The following CDKAL1 variants were observed in gnomAD, a reference collection of about 807,000 sequenced individuals.
CDKAL1 encodes the protein threonylcarbamoyladenosine tRNA methylthiotransferase.
CDKAL1 carries 32 observed loss-of-function variants against 68.2 expected under a neutral mutation model. The observed-to-expected ratio is 0.47, with a 90% CI of 0.35 to 0.63. CDKAL1 has a LOEUF of 0.63. Among genes scored for constraint, CDKAL1 ranks in the 30% least tolerant of loss-of-function variants. The pLI is 0.00. For missense variants in CDKAL1, 606 were observed against 696.7 expected (o/e 0.87, Z 1.47); for synonymous variants, 234 against 244.3 (o/e 0.96, Z 0.39).
At chr6:20,823,649 C>T in intron 8 of CDKAL1, among the ~76,000 whole-genome samples, 1 of 152,118 alleles carries the variant, frequency 6.6e-6, no homozygotes, top group East Asian at 1.9e-4. Flanking sequence ...ACAGAATTAA[C>T]ATCAGAACTG....
intron 9 of CDKAL1, among the ~76,000 whole-genome samples, chr6:20,901,699 A>AGAAAG (rs1554137982): frequency 5.3e-5 from 4 of 75,944 alleles, no homozygotes; most frequent in Admixed American, 1.9e-4. Context: ...AAAAAAAAAA[A>AGAAAG]AAAAGAAAAG....
intron 6 of CDKAL1, among the ~76,000 whole-genome samples, chr6:20,751,300 G>A (rs889258380): frequency 3.3e-5 from 5 of 152,072 alleles, no homozygotes; most frequent in African/African-American, 1.2e-4. Flanking sequence ...ATTTCCTAAG[G>A]CTGCCATAAC....
intron 13 of CDKAL1, among the ~76,000 whole-genome samples, chr6:21,125,338 C>T (rs945027729): frequency 3.9e-5 from 6 of 152,120 alleles, no homozygotes; most frequent in African/African-American, 1.2e-4. Context: ...TCATAAGTTC[C>T]CTGAGGCCTC....
intron 10 of CDKAL1, among the ~76,000 whole-genome samples, chr6:20,977,460 G>A (rs1765895018): frequency 6.6e-6 from 1 of 152,250 alleles, no homozygotes; most frequent in South Asian, 2.1e-4. Context: ...TGTGAACTTA[G>A]GCAAATTATA....
chr6:20,651,920 A>C (rs983448024), intron 5 of CDKAL1, among the ~76,000 whole-genome samples: 1 of 152,202 alleles, frequency 6.6e-6, no homozygotes, highest in African/African-American at 2.4e-5. Context: ...ATGGTGGATA[A>C]GCTTTTTGAT....
chr6:20,915,508 C>G (rs753258508), intron 9 of CDKAL1, among the ~76,000 whole-genome samples: 23 of 152,108 alleles, frequency 1.5e-4, no homozygotes, highest in African/African-American at 3.4e-4. Flanking sequence ...AGAGGCCCAC[C>G]CACATTTTGG....
intron 11 of CDKAL1, among the ~76,000 whole-genome samples, chr6:21,020,889 A>T (rs146984341): frequency 2.0e-5 from 3 of 149,432 alleles, no homozygotes; most frequent in African/African-American, 7.4e-5. Flanking sequence ...GGCATTACAG[A>T]TGTGTGTGTG....
intron 13 of CDKAL1, among the ~76,000 whole-genome samples, chr6:21,117,330 A>G (rs1415419625): frequency 6.6e-6 from 1 of 151,324 alleles, no homozygotes; most frequent in Non-Finnish European, 1.5e-5. Flanking sequence ...TATGTGGGAC[A>G]TATTTATACT....
chr6:20,926,320 G>A (rs1337313945), intron 9 of CDKAL1, among the ~76,000 whole-genome samples: 1 of 152,018 alleles, frequency 6.6e-6, no homozygotes, highest in Admixed American at 6.6e-5. Flanking sequence ...TGTTGATCTT[G>A]TAAGAGTTAA....
chr6:20,939,084 A>G (rs1218334852), intron 9 of CDKAL1, among the ~76,000 whole-genome samples: 5 of 152,170 alleles, frequency 3.3e-5, no homozygotes, highest in Admixed American at 2.0e-4. Context: ...GTTCTCAGTC[A>G]CTGTCCTATT....
At chr6:21,153,789 C>T (rs1034593761) in intron 13 of CDKAL1, among the ~76,000 whole-genome samples, 5 of 152,120 alleles carry the variant, frequency 3.3e-5, no homozygotes, top group Non-Finnish European at 7.4e-5. Flanking sequence ...TTGCATTTTT[C>T]CCTGTGTGGA....
intron 9 of CDKAL1, among the ~76,000 whole-genome samples, chr6:20,951,346 T>C (rs1764515119): frequency 6.6e-6 from 1 of 152,204 alleles, no homozygotes; most frequent in Non-Finnish European, 1.5e-5. Flanking sequence ...TGAAATTGAA[T>C]TTTGGCAAAG....
At chr6:20,629,372 G>A (rs1267247949) in intron 4 of CDKAL1, among the ~76,000 whole-genome samples, 2 of 152,132 alleles carry the variant, frequency 1.3e-5, no homozygotes, top group Non-Finnish European at 2.9e-5. Context: ...AGTTGATTAA[G>A]GTGGTGTCTG....
chr6:21,161,497 T>C (rs1454276318), intron 13 of CDKAL1, among the ~76,000 whole-genome samples: 1 of 152,198 alleles, frequency 6.6e-6, no homozygotes, highest in Non-Finnish European at 1.5e-5. Flanking sequence ...AGATGCCCAT[T>C]GAACTGAATA....
chr6:21,024,228 AT>A (rs755897935), intron 11 of CDKAL1, among the ~76,000 whole-genome samples: 11 of 152,350 alleles, frequency 7.2e-5, no homozygotes, highest in Non-Finnish European at 1.3e-4. Flanking sequence ...AAAGTATAGA[AT>A]GGTTTTATAG....
chr6:21,213,152 A>G (rs1277648609), intron 15 of CDKAL1, among the ~76,000 whole-genome samples: 1 of 152,110 alleles, frequency 6.6e-6, no homozygotes, highest in Non-Finnish European at 1.5e-5. Context: ...GTTCCTTACT[A>G]ATTGTGATCA....
rs927766058 is a variant in CDKAL1, at chr6:21,095,440, A to G, written c.1237-12961A>G. Reference sequence around the variant, plus strand: ...GGTTGATTTCTGAAAGAGTGATTATATAACACAAATTATATATAACTAGAG... The same window carrying G: ...GGTTGATTTCTGAAAGAGTGATTATGTAACACAAATTATATATAACTAGAG... On this transcript the variant is annotated intron_variant, in intron 12 of 15. Coordinates refer to ENST00000274695, the MANE Select transcript of CDKAL1 (RefSeq NM_017774.3). Among the ~76,000 whole-genome samples, 13 of 152,328 alleles carry G rather than the reference A, an allele frequency of 8.5e-5. No individual in the cohort carries two copies. In the East Asian group the frequency reaches 1.2e-3, roughly 14 times the overall value.
intron 8 of CDKAL1, among the ~76,000 whole-genome samples, chr6:20,831,527 G>A (rs1436188346): frequency 6.6e-6 from 1 of 152,110 alleles, no homozygotes; most frequent in African/African-American, 2.4e-5. Context: ...AGATGTAGTG[G>A]TTTCACCAGG....
Position 20,725,724 on chromosome 6 carries a change from C to T in CDKAL1, c.372-13795C>T, listed in dbSNP as rs117267852. On this transcript the variant is annotated intron_variant, in intron 5 of 15. Transcript: ENST00000274695. Reference sequence around the variant, plus strand: ...ACTTGAATCTGGGAGACCGAGGTTGCGGTCAGCTGAGATCATGCCATTGTG... The same window carrying T: ...ACTTGAATCTGGGAGACCGAGGTTGTGGTCAGCTGAGATCATGCCATTGTG... Among the ~76,000 whole-genome samples the T allele has an allele frequency of 1.3e-3, 193 of 145,982 alleles. 2 individuals are homozygous for T. In the East Asian group the frequency reaches 0.034, roughly 26 times the overall value.
Sources: gnomAD v4.1 joint callset for allele counts (sites outside exome capture counted in the v4.1 genomes callset) on GRCh38, gnomAD v4.1.1 for gene constraint, MANE v1.5 for transcripts, NCBI Gene and HGNC (gene_info 2026-07-23, HGNC 2026-07-21) for gene names.